The following GLB1L3 variants were observed in gnomAD, a reference collection of about 807,000 sequenced individuals.
The protein encoded by GLB1L3 is galactosidase beta 1 like 3.
In GLB1L3, 89 loss-of-function variants were observed where a neutral mutation model predicts 89.5. The ratio of observed to expected loss-of-function variants is 0.99; its 90% CI spans 0.84 to 1.19. GLB1L3 has a LOEUF of 1.19. GLB1L3 is among the 50% of genes most tolerant of loss of function. The probability of loss-of-function intolerance (pLI) is 0.00; values close to 1 mark genes in which losing one functional copy is unlikely to be tolerated. For synonymous variants in GLB1L3, 314 were observed against 312.3 expected, an observed-to-expected ratio of 1.01 and a Z score of -0.06; for missense variants, 812 against 813.3, an observed-to-expected ratio of 1.00 and a Z score of 0.02.
At chr11:134,289,715 AAG>A (rs1941231651) in intron 7 of GLB1L3, among the ~76,000 whole-genome samples, 2 of 152,200 alleles carry the variant, frequency 1.3e-5, no homozygotes, top group African/African-American at 4.8e-5. Context: ...TCTGGCCTGT[AAG>A]ATAAACGTCG....
chr11:134,281,563 A>G (rs936053329), intron 4 of GLB1L3, 118 bp downstream of exon 4: 22 of 1,018,440 alleles, frequency 2.2e-5, no homozygotes, highest in Non-Finnish European at 3.2e-5. Flanking sequence ...GTCCTGTTCT[A>G]GGACTGTGAG....
At position 134,310,802 on chromosome 11, in the gene GLB1L3, T is replaced by C. The variant is rs1004374627; in HGVS notation, c.1180+151T>C. On this transcript the variant is annotated intron_variant, in intron 12 of 19. Coordinates refer to ENST00000431683, the MANE Select transcript of GLB1L3 (RefSeq NM_001080407.3). The stretch of plus-strand genomic sequence containing the variant: ...GCAACCTTAACTTCGAACCCTGGGG[T>C]TAAAATCTGTGTGATTTTTTAAAAT... 16 of 635,148 alleles carry C rather than the reference T, an allele frequency of 2.5e-5. 1 individual carries two copies. In the African/African-American group the frequency reaches 2.6e-4, roughly 10 times the overall value. The allele number at this position is 635,148 out of a possible 1,614,324, so 39.3% of individuals were successfully genotyped here. A position where few individuals can be genotyped will look rare whatever the true frequency, so the allele number is the denominator to read the frequency against.
chr11:134,304,440 T>G (rs10750558), intron 9 of GLB1L3, among the ~76,000 whole-genome samples: 41,120 of 151,958 alleles, frequency 0.27, 5,929 homozygotes, highest in African/African-American at 0.36. Flanking sequence ...TTATTCTCTT[T>G]AGGGACACAA....
At chr11:134,292,906 C>CA in intron 8 of GLB1L3, 1 of 577,748 alleles carries the variant, frequency 1.7e-6, no homozygotes, top group Non-Finnish European at 3.1e-6. Flanking sequence ...TGGCCTGGCT[C>CA]ACTTCTCTGC....
chr11:134,324,042 T>C (rs1020257658), downstream of GLB1L3, among the ~76,000 whole-genome samples: 5 of 152,256 alleles, frequency 3.3e-5, no homozygotes, highest in African/African-American at 1.2e-4. Context: ...GCCATGTTTG[T>C]TCTTTCTTTG....
intron 13 of GLB1L3, chr11:134,311,440 C>A: frequency 2.5e-6 from 1 of 397,434 alleles, no homozygotes. Flanking sequence ...CTTGTTTGGA[C>A]TGTGTGGTCC....
At chr11:134,321,012 A>T (rs146235807), downstream of GLB1L3, among the ~76,000 whole-genome samples, 4 of 152,210 alleles carry the variant, frequency 2.6e-5, no homozygotes, top group African/African-American at 9.7e-5. Context: ...TCTAAAAGAT[A>T]TGCCACGAGC....
rs115297085 is a variant in GLB1L3 at position 134,282,585 on chromosome 11, G to A, written c.527+465G>A. ...CTTTCGCTTATTTTGTGAGGGGAAG[G>A]CTTGCCTTTCCATGCAGTGAGACCA... On this transcript the variant is annotated intron_variant, in intron 5 of 19. Transcript: ENST00000431683. Among the ~76,000 whole-genome samples, 1,367 of 152,274 alleles carry A rather than the reference G, an allele frequency of 9.0e-3. 29 individuals carry two copies. The highest frequency in any genetic ancestry group is 0.031 in the African/African-American group (1,308 of 41,542).
intron 12 of GLB1L3, 48 bp downstream of exon 12, chr11:134,310,699 T>A: frequency 7.0e-7 from 1 of 1,422,364 alleles, no homozygotes; most frequent in South Asian, 1.2e-5. Flanking sequence ...TCATGTGGAG[T>A]CTCTGTTCTG....
intron 10 of GLB1L3, 82 bp downstream of exon 10, chr11:134,307,290 T>G: frequency 6.2e-6 from 6 of 975,446 alleles, no homozygotes; most frequent in Non-Finnish European, 9.5e-6. Context: ...CTCTGCTAAT[T>G]GATTCACTTG....
chr11:134,285,940 A>G (rs28421757), intron 6 of GLB1L3, among the ~76,000 whole-genome samples: 3 of 134,120 alleles, frequency 2.2e-5, no homozygotes, highest in Non-Finnish European at 4.6e-5. Context: ...ACGGAGTCTC[A>G]CTCTGTTGCC....
intron 8 of GLB1L3, 87 bp from the exon 9 acceptor site, chr11:134,293,058 C>T (rs1941444778): frequency 1.4e-5 from 14 of 1,022,486 alleles, no homozygotes; most frequent in South Asian, 7.9e-5. Flanking sequence ...GTTCCTCCTG[C>T]GTGCGTCCGG....
downstream of GLB1L3, among the ~76,000 whole-genome samples, chr11:134,321,320 C>G (rs757630755): frequency 1.3e-5 from 2 of 152,002 alleles, no homozygotes; most frequent in African/African-American, 2.4e-5. Context: ...GAGCTTTTAA[C>G]TTTCTAAAAA....
chr11:134,304,674 C>T (rs1345031034), intron 9 of GLB1L3, among the ~76,000 whole-genome samples: 1 of 151,918 alleles, frequency 6.6e-6, no homozygotes, highest in East Asian at 1.9e-4. Context: ...AATATTTTAG[C>T]TCCTTATATT....
downstream of GLB1L3, among the ~76,000 whole-genome samples, chr11:134,322,900 C>G (rs147925824): frequency 7.6e-4 from 115 of 152,150 alleles, no homozygotes; most frequent in African/African-American, 2.7e-3. Flanking sequence ...TTTGTGTGGT[C>G]GTATGTTTTC....
At chr11:134,313,679 G>C (rs140703888) in intron 16 of GLB1L3, among the ~76,000 whole-genome samples, 1 of 152,196 alleles carries the variant, frequency 6.6e-6, no homozygotes, top group African/African-American at 2.4e-5. Context: ...CAGTGTGTTC[G>C]GTGCTGGCTT....
In GLB1L3 at chr11:134,277,379, C is replaced by T. The variant is rs777398392; in HGVS notation, c.77C>T (p.Ser26Leu). 2.5e-5 allele frequency: 40 copies of T among 1,613,832 alleles called. 2 individuals carry two copies. In the South Asian group the frequency reaches 3.8e-4, roughly 16 times the overall value. Residue 26 changes from serine to leucine, a missense_variant, in exon 2 of 20, where the codon TCA (serine) becomes TTA (leucine). Transcript: ENST00000431683. ...GGCATCTTTTTCCTGCCATTTATCT[C>T]ATCAGGTTTTGCTCCTCGGTTTAAG... ...MAGIFFLPFI[S>L]SGFAPRFKQE... is the part of the protein sequence containing the mutation.
At chr11:134,304,094 AG>A (rs1942072264) in intron 9 of GLB1L3, among the ~76,000 whole-genome samples, 1 of 152,054 alleles carries the variant, frequency 6.6e-6, no homozygotes, top group Non-Finnish European at 1.5e-5. Flanking sequence ...GTGTGTTCCC[AG>A]GTAGTAGTTC....
chr11:134,308,214 C>T (rs1294304553), intron 10 of GLB1L3, among the ~76,000 whole-genome samples: 10 of 28,532 alleles, frequency 3.5e-4, no homozygotes, highest in African/African-American at 9.2e-4. Context: ...ACCACCACCA[C>T]CATCACCATC....
Sources: allele counts gnomAD v4.1 joint callset (sites outside exome capture counted in the v4.1 genomes callset), GRCh38; gene constraint gnomAD v4.1.1; transcripts MANE v1.5; gene names NCBI Gene and HGNC (gene_info 2026-07-23, HGNC 2026-07-21).